DBN1: variants seen among roughly 807,000 people sequenced by gnomAD.
DBN1 encodes drebrin.
In DBN1, 21 loss-of-function variants were observed where a neutral mutation model predicts 83.5. The ratio of observed to expected loss-of-function variants is 0.25; its 90% CI spans 0.18 to 0.36. The LOEUF (loss-of-function observed/expected upper bound fraction) is 0.36, where lower values mean the gene tolerates loss of function less well. DBN1 is among the 10% of genes least tolerant of loss of function. DBN1 has a pLI of 1.00. For missense variants in DBN1, 874 were observed against 935.7 expected (o/e 0.93, Z 0.86); for synonymous variants, 381 against 384.9 (o/e 0.99, Z 0.12).
At chr5:177,462,644 C>T (rs1051272436) in intron 8 of DBN1, among the ~76,000 whole-genome samples, 1 of 152,208 alleles carries the variant, frequency 6.6e-6, no homozygotes, top group Admixed American at 6.5e-5. Flanking sequence ...TAGTCGGTGT[C>T]CCCTGCTGCT....
At position 177,457,487 on chromosome 5, in the gene DBN1, G is replaced by A; in HGVS notation, c.2034C>T (p.Cys678=). ...CTTCTGGAACTGGGTCTGCATCCCA[G>A]CATGTGATGTCGATCTCTGTGGCGT... ...YNKPPEIDIT[C]WDADPVPEEE... is the part of the protein sequence containing the mutation. Residue 678 remains cysteine, a synonymous_variant, in exon 15 of 15, where the codon TGC becomes TGT. Coordinates refer to ENST00000393565, the MANE Select transcript of DBN1 (RefSeq NM_001363541.2). 1 of 1,614,142 alleles carries A rather than the reference G, an allele frequency of 6.2e-7. No homozygotes were observed. Among genetic ancestry groups the A allele is most frequent in the Non-Finnish European group, 8.5e-7 (1 of 1,179,962 alleles).
chr5:177,462,030 G>T (rs1403417984), intron 8 of DBN1, among the ~76,000 whole-genome samples: 1 of 152,134 alleles, frequency 6.6e-6, no homozygotes, highest in South Asian at 2.1e-4. Flanking sequence ...CCGGGGCCTC[G>T]CCGCAGCCCC....
intron 8 of DBN1, among the ~76,000 whole-genome samples, chr5:177,463,885 T>C (rs1253137738): frequency 1.3e-5 from 2 of 151,482 alleles, no homozygotes; most frequent in East Asian, 1.9e-4. Flanking sequence ...GAGGCCGAGG[T>C]GGGAGGATCA....
At chr5:177,462,006 C>T (rs1386157971) in intron 8 of DBN1, among the ~76,000 whole-genome samples, 2 of 152,200 alleles carry the variant, frequency 1.3e-5, no homozygotes, top group South Asian at 2.1e-4. Context: ...CCTGCAAGCC[C>T]GGAGCAGCCA....
In DBN1 at chr5:177,467,513, G is replaced by A. The variant is rs766432956; in HGVS notation, c.445C>T (p.Arg149Trp). 1.6e-5 allele frequency: 25 copies of A among 1,571,680 alleles called. No homozygotes were observed. The highest frequency in any genetic ancestry group is 2.3e-5 in the South Asian group (2 of 87,564). The change falls in exon 5 of 15, where the codon CGG becomes TGG. Residue 149 changes from arginine (R) to tryptophan (W), a missense_variant. By Grantham distance (101) the Arg-to-Trp change is moderately radical. Coordinates refer to ENST00000393565, the MANE Select transcript of DBN1 (RefSeq NM_001363541.2). This position sits in a 1 kb window ranked among gnomAD's most constrained non-coding sequence, Gnocchi z 9.1. ...RLSSPVLHRL[R>W]LREDENAEPV... Reference sequence around the variant, plus strand: ...TCTGCGTTCTCATCCTCTCGCAGCCGCAGTCGGTGCAGCACAGGGCTGGAG... The same window carrying A: ...TCTGCGTTCTCATCCTCTCGCAGCCACAGTCGGTGCAGCACAGGGCTGGAG...
chr5:177,458,826 C>T, intron 12 of DBN1, 119 bp from the exon 13 acceptor site: 1 of 1,148,332 alleles, frequency 8.7e-7, no homozygotes, highest in Non-Finnish European at 1.2e-6. Context: ...CCCACTGCCC[C>T]CTTACCCAGT....
Position 177,460,560 on chromosome 5 carries a change from G to T in DBN1, c.832-5C>A. The T allele has an allele frequency of 6.2e-7, 1 of 1,614,180 alleles. No homozygotes were observed. The highest frequency in any genetic ancestry group is 1.1e-5 in the South Asian group (1 of 91,084). On this transcript the variant is annotated splice_polypyrimidine_tract_variant and splice_region_variant and intron_variant, in intron 9 of 14. Transcript: ENST00000393565. ...GGCAATAATAGCTGCTGCCTCCTGA[G>T]GGCACGAGGAAAAGGTTGGGGCTGG... is the stretch of plus-strand genomic sequence containing the variant.
chr5:177,457,825 G>T, intron 13 of DBN1, 68 bp from the exon 14 acceptor site: 1 of 1,169,346 alleles, frequency 8.6e-7, no homozygotes, highest in Non-Finnish European at 1.3e-6. Flanking sequence ...TCAGGCCTGA[G>T]CCCGTTTCCC....
At chr5:177,457,547 G>A (rs1414883239) in intron 14 of DBN1, 44 bp from the exon 15 acceptor site, 3 of 1,583,630 alleles carry the variant, frequency 1.9e-6, no homozygotes, top group Non-Finnish European at 1.7e-6. Context: ...CTAGCAGACC[G>A]CTTGTGTCCC....
chr5:177,459,172 T>C lies in DBN1; in HGVS notation c.1190A>G (p.Gln397Arg). ...SSTASTPVAE[Q>R]IERALDEVTS... ...GACCTCATCCAGGGCCCGCTCTATCTGCTCAGCGACAGGGGTGGAGGCGGT... is the reference window on the plus strand; with the variant it reads ...GACCTCATCCAGGGCCCGCTCTATCCGCTCAGCGACAGGGGTGGAGGCGGT... The change falls in exon 12 of 15, where the codon CAG becomes CGG. Residue 397 changes from glutamine (Q) to arginine (R), a missense_variant. By Grantham distance (43) the Gln-to-Arg change is conservative. Transcript: ENST00000393565. The C allele has an allele frequency of 6.2e-7, 1 of 1,611,012 alleles. No individual in the cohort carries two copies. Among genetic ancestry groups the C allele is most frequent in the Non-Finnish European group, 8.5e-7 (1 of 1,178,754 alleles).
intron 11 of DBN1, 131 bp downstream of exon 11, chr5:177,459,472 G>C (rs541340235): frequency 6.0e-6 from 8 of 1,327,894 alleles, no homozygotes; most frequent in Non-Finnish European, 7.0e-6. Flanking sequence ...CCAGGGGCAA[G>C]AGGCAGGCAG....
chr5:177,457,905 C>G, intron 13 of DBN1, 148 bp from the exon 14 acceptor site: 1 of 1,150,266 alleles, frequency 8.7e-7, no homozygotes, highest in Non-Finnish European at 1.3e-6. Context: ...AAAAGCAGAG[C>G]CGGCCCAGGG....
In DBN1 at chr5:177,467,073, C is replaced by T. The variant is rs1757497736; in HGVS notation, c.556-11G>A. ...CAGCTCTTCTTCCTTCTGCAAGCCCCGGTGCGAACAAGGGTAGGCCCCGAG... is the reference window on the plus strand; with the variant it reads ...CAGCTCTTCTTCCTTCTGCAAGCCCTGGTGCGAACAAGGGTAGGCCCCGAG... On this transcript the variant is annotated splice_polypyrimidine_tract_variant and intron_variant, in intron 6 of 14. Transcript: ENST00000393565. This position sits in a 1 kb window ranked among gnomAD's most constrained non-coding sequence, Gnocchi z 9.1. The T allele has an allele frequency of 6.2e-7, 1 of 1,613,652 alleles. No homozygotes were observed. Among genetic ancestry groups the T allele is most frequent in the Non-Finnish European group, 8.5e-7 (1 of 1,179,930 alleles).
chr5:177,464,216 GACAGGTGGATCAC>G, intron 8 of DBN1, among the ~76,000 whole-genome samples: 1 of 151,120 alleles, frequency 6.6e-6, no homozygotes, highest in Middle Eastern at 3.5e-3. Flanking sequence ...GGGAGGCCGA[GACAGGTGGATCAC>G]GAGGTCAGGA....
intron 1 of DBN1, among the ~76,000 whole-genome samples, chr5:177,469,660 G>C (rs1757706875): frequency 6.6e-6 from 1 of 152,186 alleles, no homozygotes; most frequent in Admixed American, 6.5e-5. Flanking sequence ...CTGACCTGGT[G>C]GCCTTCCTCC....
In DBN1 at chr5:177,460,650, C is replaced by T. The variant is rs749044307; in HGVS notation, c.825G>A (p.Glu275=). The T allele has an allele frequency of 1.4e-5, 22 of 1,614,134 alleles. No homozygotes were observed. Among genetic ancestry groups the T allele is most frequent in the Non-Finnish European group, 1.6e-5 (19 of 1,180,038 alleles). ...TGGTGCCCCCAGCTCTCACCTCCAC[C>T]TCCGACTCTGACTTCTTCATGTGGG... ...EETHMKKSES[E]VEEAAAIIAQ... The change falls in exon 9 of 15, where the codon GAG becomes GAA. Residue 275 remains glutamate, a synonymous_variant. Coordinates refer to ENST00000393565, the MANE Select transcript of DBN1 (RefSeq NM_001363541.2).
At chr5:177,470,903 C>T (rs1448805561) in intron 1 of DBN1, among the ~76,000 whole-genome samples, 1 of 152,202 alleles carries the variant, frequency 6.6e-6, no homozygotes, top group Non-Finnish European at 1.5e-5. Flanking sequence ...CAGGCATCTA[C>T]ACATCTCACC....
At chr5:177,457,845 A>C in intron 13 of DBN1, 88 bp from the exon 14 acceptor site, 4 of 918,458 alleles carry the variant, frequency 4.4e-6, no homozygotes, top group South Asian at 1.4e-5. Context: ...CCAGCAACCA[A>C]TGATTCCATC....
chr5:177,457,322 G>T lies in DBN1; in HGVS notation c.*111C>A. 1 of 883,888 alleles carries T rather than the reference G, an allele frequency of 1.1e-6. No individual in the cohort carries two copies. The highest frequency in any genetic ancestry group is 1.4e-5 in the South Asian group (1 of 72,288). 54.8% of individuals were successfully genotyped at this position (883,888 alleles called of 1,614,324 possible). On this transcript the variant is annotated 3_prime_UTR_variant, in exon 15 of 15. Coordinates refer to ENST00000393565, the MANE Select transcript of DBN1 (RefSeq NM_001363541.2). ...AAGTCCCCAGCCAGGGCCGGAATCC[G>T]GAGTGGGTGCCAGGCGGAGCTGCTG...
Sources: gnomAD v4.1 joint callset for allele counts (sites outside exome capture counted in the v4.1 genomes callset) on GRCh38, gnomAD v4.1.1 for gene constraint, Gnocchi (gnomAD v3.1) non-coding constraint, MANE v1.5 for transcripts, NCBI Gene and HGNC (gene_info 2026-07-23, HGNC 2026-07-21) for gene names.